TBC1D13: variants seen among roughly 807,000 people sequenced by gnomAD.
TBC1D13 encodes the protein TBC1 domain family member 13, also known as epididymis secretory sperm binding protein.
A neutral mutation model predicts 53.6 loss-of-function variants in TBC1D13; 40 were observed. The observed-to-expected ratio is 0.75, with a 90% confidence interval of 0.58 to 0.97. TBC1D13 has a LOEUF of 0.97. Among genes scored for constraint, TBC1D13 ranks in the 50% least tolerant of loss-of-function variants. The pLI is 0.00. For synonymous variants in TBC1D13, 182 were observed against 197.7 expected, an observed-to-expected ratio of 0.92 and a Z score of 0.67; for missense variants, 377 against 499.4, an observed-to-expected ratio of 0.75 and a Z score of 2.34.
rs1829871504 is a variant in TBC1D13 at position 128,808,070 on chromosome 9, C to G, written c.*191C>G. ...CCGCCACGCCCAGCTCCCCACCTGC[C>G]CTGCACTCTGCCCTCTTTGCCCAGG... On this transcript the variant is annotated 3_prime_UTR_variant, in exon 12 of 12. Coordinates refer to ENST00000372648, the MANE Select transcript of TBC1D13 (RefSeq NM_018201.5). 6.6e-6 allele frequency: 4 copies of G among 608,200 alleles called. No individual in the cohort carries two copies. In the South Asian group the frequency reaches 7.4e-5, roughly 11 times the overall value. The allele number at this position is 608,200 out of a possible 1,614,324, so 37.7% of individuals were successfully genotyped here.
At chr9:128,795,546 C>CGCCTCCCGGGTTCACACCATTCTCCT (rs1564423975) in intron 6 of TBC1D13, among the ~76,000 whole-genome samples, 1 of 138,028 alleles carries the variant, frequency 7.2e-6, no homozygotes, top group African/African-American at 2.7e-5. Context: ...CTGCAAGCTC[C>CGCCTCCCGGGTTCACACCATTCTCCT]GCCTCCCGGG....
At chr9:128,791,837 G>A (rs569155183) in intron 5 of TBC1D13, 144 bp downstream of exon 5, 33 of 680,912 alleles carry the variant, frequency 4.8e-5, no homozygotes, top group African/African-American at 1.4e-4. Flanking sequence ...TCCTTTCTGC[G>A]TTGGGTCACT....
chr9:128,805,653 G>A (rs561409241), intron 9 of TBC1D13, among the ~76,000 whole-genome samples: 2 of 152,142 alleles, frequency 1.3e-5, no homozygotes, highest in Non-Finnish European at 2.9e-5. Flanking sequence ...TAAAAAATAG[G>A]AAGATCTGAG....
intron 8 of TBC1D13, 75 bp downstream of exon 8, chr9:128,803,535 G>T (rs1054598906): frequency 1.1e-5 from 15 of 1,408,016 alleles, no homozygotes; most frequent in Non-Finnish European, 1.5e-5. Context: ...TCCCTCTCGG[G>T]CCTCTGTTCT....
intron 7 of TBC1D13, 58 bp downstream of exon 7, chr9:128,797,272 C>T: frequency 1.9e-6 from 3 of 1,572,196 alleles, no homozygotes; most frequent in South Asian, 2.3e-5. Flanking sequence ...TTTCCTTTTT[C>T]TCTTAAACTC....
intron 5 of TBC1D13, 88 bp from the exon 6 acceptor site, chr9:128,792,404 G>A: frequency 8.6e-7 from 1 of 1,157,112 alleles, no homozygotes; most frequent in Non-Finnish European, 1.3e-6. Flanking sequence ...GATTGTTGCA[G>A]CAAGGCCACT....
At chr9:128,799,969 C>T (rs1288657950) in intron 7 of TBC1D13, among the ~76,000 whole-genome samples, 3 of 152,152 alleles carry the variant, frequency 2.0e-5, no homozygotes, top group Admixed American at 6.6e-5. Flanking sequence ...TGCAGTGAGC[C>T]GAAATCGCGC....
At chr9:128,797,962 T>C (rs555918180) in intron 7 of TBC1D13, among the ~76,000 whole-genome samples, 7 of 151,972 alleles carry the variant, frequency 4.6e-5, no homozygotes, top group Admixed American at 2.0e-4. Flanking sequence ...AATACAAAAA[T>C]TTGGCCCTGG....
chr9:128,799,414 G>A (rs1407541313), intron 7 of TBC1D13, among the ~76,000 whole-genome samples: 1 of 152,122 alleles, frequency 6.6e-6, no homozygotes, highest in African/African-American at 2.4e-5. Context: ...ACCATAAACT[G>A]GGCATAATCA....
In TBC1D13 at chr9:128,809,301, A is replaced by G. The variant is rs984008283; in HGVS notation, c.*1422A>G. ...AGCTGGCCACTCCCAGTTCTCACCA[A>G]GTCACCTCCCTCCTTGTACAAGGTT... On this transcript the variant is annotated 3_prime_UTR_variant, in exon 12 of 12. Transcript: ENST00000372648. The G allele has an allele frequency of 6.6e-6, 1 of 152,358 alleles. No individual in the cohort carries two copies. Among genetic ancestry groups the G allele is most frequent in the African/African-American group, 2.4e-5 (1 of 41,432 alleles). The allele number at this position is 152,358 out of a possible 1,614,324, so 9.4% of individuals were successfully genotyped here. A position where few individuals can be genotyped will look rare whatever the true frequency, so the allele number is the denominator to read the frequency against.
chr9:128,787,437 C>T (rs1455338840), intron 1 of TBC1D13, 61 bp downstream of exon 1: 1 of 1,244,894 alleles, frequency 8.0e-7, no homozygotes, highest in Non-Finnish European at 1.0e-6. Flanking sequence ...CCCTTCTGCC[C>T]CTCAGAAGGG....
chr9:128,791,393 A>G lies in TBC1D13; in HGVS notation c.152A>G (p.Tyr51Cys). ...RCLCWKILLNYLPLERASWTS... is the reference protein window; with the variant it reads ...RCLCWKILLNCLPLERASWTS... ...CCCTCTGTGCAGATTCTCTTGAACT[A>G]CCTTCCCTTGGAGAGAGCCTCATGG... The change falls in exon 4 of 12, where the codon TAC (tyrosine) becomes TGC (cysteine). Residue 51 changes from tyrosine to cysteine, a missense_variant. Physicochemically the swap from Tyr to Cys is radical, Grantham distance 194. Transcript: ENST00000372648. 1.2e-6 allele frequency: 2 copies of G among 1,614,054 alleles called. No individual in the cohort carries two copies. Among genetic ancestry groups the G allele is most frequent in the Non-Finnish European group, 1.7e-6 (2 of 1,179,998 alleles).
chr9:128,787,630 T>A (rs1385894589), intron 1 of TBC1D13, among the ~76,000 whole-genome samples: 2 of 144,716 alleles, frequency 1.4e-5, no homozygotes, highest in African/African-American at 5.2e-5. Context: ...CCCCTGAGTC[T>A]TCCTCATCCA....
At chr9:128,806,382 G>C in intron 11 of TBC1D13, 71 bp downstream of exon 11, 3 of 1,575,492 alleles carry the variant, frequency 1.9e-6, no homozygotes, top group Non-Finnish European at 2.6e-6. Context: ...GCCCACGCCA[G>C]CTGCTGCGAC....
intron 6 of TBC1D13, among the ~76,000 whole-genome samples, chr9:128,796,421 G>A (rs920463542): frequency 2.6e-5 from 4 of 151,998 alleles, no homozygotes; most frequent in African/African-American, 9.7e-5. Context: ...GGGTAATTTT[G>A]TATTTTTTTA....
In TBC1D13 at chr9:128,790,784, G is replaced by T. The variant is rs755155270; in HGVS notation, c.138+9G>T. The T allele has an allele frequency of 6.4e-7, 1 of 1,559,068 alleles. No homozygotes were observed. The highest frequency in any genetic ancestry group is 8.6e-7 in the Non-Finnish European group (1 of 1,161,530). ...GGTGCCTCTGCTGGAAGGTGGGTGTGCCTGGGGTGGGGCTTCTGCTCTGCT... is the reference window on the plus strand; with the variant it reads ...GGTGCCTCTGCTGGAAGGTGGGTGTTCCTGGGGTGGGGCTTCTGCTCTGCT... On this transcript the variant is annotated intron_variant, in intron 3 of 11. Transcript: ENST00000372648.
chr9:128,790,633 ACTT>A, intron 2 of TBC1D13, 99 bp from the exon 3 acceptor site: 1 of 1,054,252 alleles, frequency 9.5e-7, no homozygotes, highest in South Asian at 1.8e-5. Flanking sequence ...TTGAAGAAGT[ACTT>A]CTTGCCCACT....
intron 7 of TBC1D13, among the ~76,000 whole-genome samples, chr9:128,798,411 GC>G (rs1352867755): frequency 6.6e-6 from 1 of 152,196 alleles, no homozygotes; most frequent in Non-Finnish European, 1.5e-5. Context: ...GCCACTTGGG[GC>G]CTTTGTCATG....
At chr9:128,789,316 C>CAAAAAAA (rs10648259) in intron 2 of TBC1D13, among the ~76,000 whole-genome samples, 6 of 83,350 alleles carry the variant, frequency 7.2e-5, no homozygotes, top group Admixed American at 1.6e-4. Context: ...AGCTCCATCT[C>CAAAAAAA]AAAAAAAAAA....
Sources: allele counts gnomAD v4.1 joint callset (sites outside exome capture counted in the v4.1 genomes callset), GRCh38; gene constraint gnomAD v4.1.1; transcripts MANE v1.5; gene names NCBI Gene and HGNC (gene_info 2026-07-23, HGNC 2026-07-21).